The following BANK1 variants were observed in gnomAD, a reference collection of about 807,000 sequenced individuals.
BANK1 encodes the protein B cell scaffold protein with ankyrin repeats 1.
Under a neutral mutation model 94.5 loss-of-function variants are expected in BANK1, and 95 were observed. The ratio of observed to expected loss-of-function variants is 1.00; its 90% CI spans 0.85 to 1.19. The LOEUF is 1.19. BANK1 is among the 50% of genes most tolerant of loss of function. The pLI, the probability that BANK1 is intolerant of heterozygous loss-of-function variation, is 0.00. For synonymous variants in BANK1, 334 were observed against 308.4 expected (o/e 1.08, Z -0.87); for missense variants, 987 against 932.2 (o/e 1.06, Z -0.77).
intron 7 of BANK1, among the ~76,000 whole-genome samples, chr4:101,929,786 G>C (rs1053767522): frequency 1.3e-5 from 2 of 149,764 alleles, no homozygotes; most frequent in Non-Finnish European, 3.0e-5. Context: ...TAGTTTGTTG[G>C]GGGGGGACTA....
At chr4:101,830,964 C>T (rs1726593564) in intron 2 of BANK1, among the ~76,000 whole-genome samples, 1 of 152,166 alleles carries the variant, frequency 6.6e-6, no homozygotes, top group Non-Finnish European at 1.5e-5. Context: ...TCCTTATTCG[C>T]TGGGAATGTC....
chr4:101,796,898 A>G (rs1725174740), intron 1 of BANK1, among the ~76,000 whole-genome samples: 1 of 152,172 alleles, frequency 6.6e-6, no homozygotes, highest in Non-Finnish European at 1.5e-5. Flanking sequence ...AACAGGAAGT[A>G]AAAGAGTAAG....
rs75293001 is a variant in BANK1 at position 101,828,662 on chromosome 4, C to T, written c.71-1146C>T. Among the ~76,000 whole-genome samples, 796 of 152,014 alleles carry T rather than the reference C, an allele frequency of 5.2e-3. 13 individuals are homozygous for T. In the East Asian group the frequency reaches 0.061, roughly 12 times the overall value. The stretch of plus-strand genomic sequence containing the variant: ...TGTTACATTCTTTTTCATTGTTATG[C>T]AATATTTTATAGTATGAATATACTG... On this transcript the variant is annotated intron_variant, in intron 1 of 16. Transcript: ENST00000322953.
chr4:101,958,464 CTTT>C (rs35066662), intron 7 of BANK1, among the ~76,000 whole-genome samples: 1,632 of 110,760 alleles, frequency 0.015, 20 homozygotes, highest in East Asian at 0.068. Flanking sequence ...GCCCCCCATG[CTTT>C]TTTTTTTTTT....
intron 9 of BANK1, among the ~76,000 whole-genome samples, chr4:102,028,484 A>C (rs1361452891): frequency 6.6e-6 from 1 of 152,192 alleles, no homozygotes; most frequent in Non-Finnish European, 1.5e-5. Context: ...GCAATTGCTG[A>C]ATCTTTCTAT....
intron 6 of BANK1, among the ~76,000 whole-genome samples, chr4:101,910,689 G>A (rs562398242): frequency 3.6e-4 from 43 of 119,172 alleles, no homozygotes; most frequent in East Asian, 5.6e-4. Flanking sequence ...GCTAGACTCC[G>A]TCTCGAAAAA....
chr4:101,895,351 A>G lies in BANK1; in HGVS notation c.950A>G (p.His317Arg). The G allele has an allele frequency of 6.3e-7, 1 of 1,595,522 alleles. No individual in the cohort carries two copies. The highest frequency in any genetic ancestry group is 8.5e-7 in the Non-Finnish European group (1 of 1,171,400). ...GGTGTCCTTACATCCATATTCAAAC[A>G]TGAGATACCATATTATGAGTTCCAG... The part of the protein sequence containing the change: ...LDGVLTSIFK[H>R]EIPYYEFQSL... The change falls in exon 6 of 17, where the codon CAT (histidine) becomes CGT (arginine). Residue 317 changes from histidine to arginine, a missense_variant. His to Arg is a conservative substitution (Grantham distance 29). Coordinates refer to ENST00000322953, the MANE Select transcript of BANK1 (RefSeq NM_017935.5).
chr4:101,875,614 TC>T (rs34518662), intron 5 of BANK1, among the ~76,000 whole-genome samples: 9 of 151,608 alleles, frequency 5.9e-5, no homozygotes, highest in East Asian at 1.9e-4. Context: ...CCCACCAGGG[TC>T]CCCCCCTAGA....
At chr4:101,852,136 G>A (rs553916502) in intron 2 of BANK1, among the ~76,000 whole-genome samples, 13 of 151,778 alleles carry the variant, frequency 8.6e-5, no homozygotes, top group Non-Finnish European at 1.8e-4. Flanking sequence ...CTCAAAATTT[G>A]TTCTTATGTA....
intron 7 of BANK1, among the ~76,000 whole-genome samples, chr4:101,966,962 TG>T (rs1560657269): frequency 6.6e-6 from 1 of 152,100 alleles, no homozygotes; most frequent in Admixed American, 6.6e-5. Flanking sequence ...TATTAAAAGT[TG>T]TCACAAGGAA....
chr4:101,983,318 T>C (rs952825690), intron 7 of BANK1, among the ~76,000 whole-genome samples: 4 of 152,066 alleles, frequency 2.6e-5, no homozygotes, highest in Admixed American at 6.6e-5. Flanking sequence ...TTATTAGCAA[T>C]TTAGTGCAGT....
At chr4:101,941,191 C>A (rs896806351) in intron 7 of BANK1, among the ~76,000 whole-genome samples, 3 of 151,632 alleles carry the variant, frequency 2.0e-5, no homozygotes, top group Non-Finnish European at 2.9e-5. Context: ...TACACCCCAT[C>A]ATTGTGTTTC....
intron 7 of BANK1, among the ~76,000 whole-genome samples, chr4:101,993,052 C>G (rs1203526903): frequency 1.3e-5 from 2 of 152,140 alleles, no homozygotes; most frequent in African/African-American, 2.4e-5. Context: ...TAATCCAGAC[C>G]ACTCTTAACG....
chr4:101,908,945 T>G (rs1220281635), intron 6 of BANK1, among the ~76,000 whole-genome samples: 2 of 152,204 alleles, frequency 1.3e-5, no homozygotes, highest in Non-Finnish European at 2.9e-5. Flanking sequence ...AGGAACACTT[T>G]TACACTGTTG....
chr4:101,983,377 T>A (rs1477906522), intron 7 of BANK1, among the ~76,000 whole-genome samples: 5 of 152,200 alleles, frequency 3.3e-5, no homozygotes, highest in Admixed American at 3.3e-4. Flanking sequence ...TTGAATCTTG[T>A]CTTTACCACG....
intron 7 of BANK1, among the ~76,000 whole-genome samples, chr4:102,009,656 A>G (rs1726418138): frequency 6.6e-6 from 1 of 152,206 alleles, no homozygotes; most frequent in Non-Finnish European, 1.5e-5. Context: ...TGGACAAGTT[A>G]TTTAACCCCA....
intron 1 of BANK1, among the ~76,000 whole-genome samples, chr4:101,800,903 G>A (rs933394777): frequency 6.6e-6 from 1 of 152,074 alleles, no homozygotes; most frequent in Middle Eastern, 3.2e-3. Flanking sequence ...GATTACAGGC[G>A]GCTGCCAACA....
At chr4:102,071,181 C>CAAGA in intron 13 of BANK1, 94 bp from the exon 14 acceptor site, 1 of 1,385,950 alleles carries the variant, frequency 7.2e-7, no homozygotes, top group African/African-American at 1.4e-5. Context: ...ACCTCAAAGA[C>CAAGA]AAGAAGTAGT....
At position 102,072,282 on chromosome 4, in the gene BANK1, GAATA is replaced by G. The variant is rs1041366174; in HGVS notation, c.2243-55_2243-52del. 36 of 1,295,460 alleles carry G rather than the reference GAATA, an allele frequency of 2.8e-5. No homozygotes were observed. In the African/African-American group the frequency reaches 4.5e-4, roughly 16 times the overall value. The allele number at this position is 1,295,460 out of a possible 1,614,324, so 80.2% of individuals were successfully genotyped here. On this transcript the variant is annotated intron_variant, in intron 14 of 16. Transcript: ENST00000322953. ...GTAGAAATCATTTTTAAGAAGTACTGAATAAATAAATCATCAAATTTGTGAATGA... is the reference window on the plus strand; with the variant it reads ...GTAGAAATCATTTTTAAGAAGTACTGAATAAATCATCAAATTTGTGAATGA...
Sources: allele counts gnomAD v4.1 joint callset (sites outside exome capture counted in the v4.1 genomes callset), GRCh38; gene constraint gnomAD v4.1.1; transcripts MANE v1.5; gene names NCBI Gene and HGNC (gene_info 2026-07-23, HGNC 2026-07-21).